Variants in NELL1 observed in about 807,000 individuals in gnomAD.
NELL1 encodes protein kinase C-binding protein NELL1.
Under a neutral mutation model 107.4 loss-of-function variants are expected in NELL1, and 76 were observed. The ratio of observed to expected loss-of-function variants is 0.71; its 90% CI spans 0.59 to 0.86. NELL1 has a LOEUF of 0.86. NELL1 is among the 40% of genes least tolerant of loss of function. The pLI, the probability that NELL1 is intolerant of heterozygous loss-of-function variation, is 0.00. For missense variants in NELL1, 1,024 were observed against 1,005.5 expected (o/e 1.02, Z -0.25); for synonymous variants, 353 against 341.2 (o/e 1.03, Z -0.38).
chr11:21,330,522 C>A (rs1337511596), intron 14 of NELL1, among the ~76,000 whole-genome samples: 4 of 151,972 alleles, frequency 2.6e-5, no homozygotes, highest in African/African-American at 9.7e-5. Flanking sequence ...TTTATTCTTT[C>A]AGCACTTTGA....
At chr11:21,033,743 T>G (rs1853019550) in intron 12 of NELL1, among the ~76,000 whole-genome samples, 1 of 152,176 alleles carries the variant, frequency 6.6e-6, no homozygotes. Context: ...TTATATTCCT[T>G]TGGGTATATA....
intron 14 of NELL1, among the ~76,000 whole-genome samples, chr11:21,233,160 T>A (rs1034025914): frequency 6.6e-6 from 1 of 152,184 alleles, no homozygotes; most frequent in African/African-American, 2.4e-5. Context: ...ATGTAAGGCG[T>A]CTTTTCTTCT....
rs117284950 is a variant in NELL1 at position 21,526,321 on chromosome 11, G to A, written c.1646-8053G>A. 8.4e-3 allele frequency among the ~76,000 whole-genome samples: 1,274 copies of A among 152,306 alleles called. 7 individuals are homozygous for A. Among genetic ancestry groups the A allele is most frequent in the Middle Eastern group, 0.017 (5 of 294 alleles). ...GGTTCCCACAGCCTTGGACAACTCC[G>A]CCACTGTGGCTTTGCAGGGTACACC... On this transcript the variant is annotated intron_variant, in intron 15 of 19. Coordinates refer to ENST00000357134, the MANE Select transcript of NELL1 (RefSeq NM_006157.5).
chr11:21,188,517 A>G (rs1276676843), intron 13 of NELL1, among the ~76,000 whole-genome samples: 1 of 151,730 alleles, frequency 6.6e-6, no homozygotes, highest in Non-Finnish European at 1.5e-5. Flanking sequence ...ACTCATTCTC[A>G]CAGTCTTGAA....
At chr11:21,337,820 CTTTCTTTCTTTCTTTCT>C (rs1425410696) in intron 14 of NELL1, among the ~76,000 whole-genome samples, 2,629 of 27,102 alleles carry the variant, frequency 0.097, 94 homozygotes, top group South Asian at 0.15. Flanking sequence ...TGCTTTCCTT[CTTTCTTTCTTTCTTTCT>C]TTTCTTTCTT....
chr11:21,506,428 A>G (rs1855280741), intron 15 of NELL1, among the ~76,000 whole-genome samples: 1 of 152,194 alleles, frequency 6.6e-6, no homozygotes, highest in African/African-American at 2.4e-5. Flanking sequence ...GGCACTTAAG[A>G]AAATAATACA....
chr11:20,894,489 G>C (rs1461523235), intron 5 of NELL1, among the ~76,000 whole-genome samples: 1 of 152,166 alleles, frequency 6.6e-6, no homozygotes, highest in Non-Finnish European at 1.5e-5. Flanking sequence ...CTTCACAAAA[G>C]GGAATGTCCA....
rs139009671 is a variant in NELL1 at position 21,572,394 on chromosome 11, C to T, written c.2158-791C>T. Among the ~76,000 whole-genome samples the T allele has an allele frequency of 2.5e-4, 38 of 149,926 alleles. No individual in the cohort carries two copies. In the East Asian group the frequency reaches 4.9e-3, roughly 19 times the overall value. ...TTTTCATGTGCCAAACTTTGTATGA[C>T]GTAACAGTGAGCAAGATAAACATGG... On this transcript the variant is annotated intron_variant, in intron 18 of 19. Transcript: ENST00000357134.
At chr11:21,018,425 G>A (rs1852619876) in intron 12 of NELL1, among the ~76,000 whole-genome samples, 1 of 152,056 alleles carries the variant, frequency 6.6e-6, no homozygotes, top group African/African-American at 2.4e-5. Flanking sequence ...TGGCCAGTGG[G>A]CACGAAGAGT....
At position 21,327,161 on chromosome 11, in the gene NELL1, T is replaced by TG. The variant is rs200140609; in HGVS notation, c.1550-43691dup. On this transcript the variant is annotated intron_variant, in intron 14 of 19. Transcript: ENST00000357134. ...GACAGTGAGTTCTCATGAGATCTGA[T>TG]GTTTTTTTTTTTTTTTTGTGGGGGG... Among the ~76,000 whole-genome samples, 236 of 61,936 alleles carry TG rather than the reference T, an allele frequency of 3.8e-3. 20 individuals are homozygous for TG. Among genetic ancestry groups the TG allele is most frequent in the Middle Eastern group, 0.026 (3 of 114 alleles). The allele number at this position is 61,936 out of a possible 152,430, so 40.6% of individuals were successfully genotyped here. A position where few individuals can be genotyped will look rare whatever the true frequency, so the allele number is the denominator to read the frequency against.
chr11:21,058,515 G>T (rs1017330204), intron 12 of NELL1, among the ~76,000 whole-genome samples: 1 of 152,100 alleles, frequency 6.6e-6, no homozygotes, highest in South Asian at 2.1e-4. Context: ...ATGGAAATGG[G>T]GTGGGAGACT....
chr11:21,175,844 T>C (rs755915779), intron 13 of NELL1, among the ~76,000 whole-genome samples: 22 of 151,906 alleles, frequency 1.4e-4, no homozygotes, highest in Non-Finnish European at 3.1e-4. Context: ...AATGAAAAAG[T>C]TGAGGCTTTG....
At chr11:20,800,095 A>G (rs368449937) in intron 3 of NELL1, among the ~76,000 whole-genome samples, 139 of 152,222 alleles carry the variant, frequency 9.1e-4, no homozygotes, top group African/African-American at 3.0e-3. Context: ...GATTTTCTTT[A>G]TCCAATCCAC....
At chr11:21,378,015 A>T (rs1254867934) in intron 15 of NELL1, among the ~76,000 whole-genome samples, 1 of 152,000 alleles carries the variant, frequency 6.6e-6, no homozygotes, top group Non-Finnish European at 1.5e-5. Flanking sequence ...CATGAAATGT[A>T]ATTAGCAGTA....
chr11:21,508,366 A>C (rs1361056001), intron 15 of NELL1, among the ~76,000 whole-genome samples: 1 of 152,218 alleles, frequency 6.6e-6, no homozygotes, highest in East Asian at 1.9e-4. Context: ...CAGGTAGTTA[A>C]AAATCAGTAC....
chr11:21,150,896 A>G (rs1282426327), intron 13 of NELL1, among the ~76,000 whole-genome samples: 1 of 152,182 alleles, frequency 6.6e-6, no homozygotes, highest in Non-Finnish European at 1.5e-5. Flanking sequence ...CAGGAGACTT[A>G]TAATCATGGT....
intron 14 of NELL1, among the ~76,000 whole-genome samples, chr11:21,319,517 T>TATATATATA (rs1565165681): frequency 1.4e-5 from 2 of 145,128 alleles, no homozygotes; most frequent in Admixed American, 7.0e-5. Context: ...TATATATATA[T>TATATATATA]TTTTAGTAGA....
intron 15 of NELL1, among the ~76,000 whole-genome samples, chr11:21,377,552 G>A (rs1169258015): frequency 6.6e-6 from 1 of 152,158 alleles, no homozygotes; most frequent in East Asian, 1.9e-4. Flanking sequence ...GGGTGATGCT[G>A]TCTTTGTAGA....
intron 12 of NELL1, among the ~76,000 whole-genome samples, chr11:21,001,344 C>G (rs1321487212): frequency 1.3e-5 from 2 of 152,096 alleles, no homozygotes; most frequent in Non-Finnish European, 2.9e-5. Context: ...ATTCTGTCTT[C>G]CGCTTAAGCC....
Sources: gnomAD v4.1 joint callset for allele counts (sites outside exome capture counted in the v4.1 genomes callset) on GRCh38, gnomAD v4.1.1 for gene constraint, MANE v1.5 for transcripts, NCBI Gene and HGNC (gene_info 2026-07-23, HGNC 2026-07-21) for gene names.